The following G6PC1 variants were observed in gnomAD, a reference collection of about 807,000 sequenced individuals.
The protein encoded by G6PC1 is G-6-Pase.
A neutral mutation model predicts 30.4 loss-of-function variants in G6PC1; 23 were observed. The observed-to-expected ratio is 0.76, with a 90% CI of 0.55 to 1.07. The LOEUF (loss-of-function observed/expected upper bound fraction) is 1.07. Among genes scored for constraint, G6PC1 ranks in the 50% least tolerant of loss-of-function variants. The pLI is 0.00. For missense variants in G6PC1, 391 were observed against 433.9 expected (o/e 0.90, Z 0.88); for synonymous variants, 163 against 175.6 (o/e 0.93, Z 0.57).
In G6PC1 at chr17:42,908,388, G is replaced by T. The variant is rs182425447; in HGVS notation, c.446+760G>T. Among the ~76,000 whole-genome samples the T allele has an allele frequency of 3.2e-3, 485 of 149,884 alleles. 2 individuals are homozygous for T. Among genetic ancestry groups the T allele is most frequent in the Admixed American group, 8.2e-3 (123 of 14,930 alleles). Reference sequence around the variant, plus strand: ...GAAGTTAAAATTCATATACACAAGGGTTAACCACTTGCCACAGGCATTTTT... The same window carrying T: ...GAAGTTAAAATTCATATACACAAGGTTTAACCACTTGCCACAGGCATTTTT... On this transcript the variant is annotated intron_variant, in intron 3 of 4. Transcript: ENST00000253801.
chr17:42,908,772 C>T (rs1340474587), intron 3 of G6PC1, among the ~76,000 whole-genome samples: 8 of 148,160 alleles, frequency 5.4e-5, no homozygotes, highest in Admixed American at 1.4e-4. Flanking sequence ...GGCGCAGTCT[C>T]GGCTCACTGT....
rs369353156 is a variant in G6PC1, at chr17:42,901,587, G to A, written c.230+481G>A. Among the ~76,000 whole-genome samples the A allele has an allele frequency of 2.1e-3, 313 of 152,036 alleles. 1 individual carries two copies. The highest frequency in any genetic ancestry group is 7.3e-3 in the African/African-American group (302 of 41,464). On this transcript the variant is annotated intron_variant, in intron 1 of 4. Transcript: ENST00000253801. ...AAAACATTACGAAAATTAGCTGGGC[G>A]TGTTGGTGCTGTAGTCCCAGCTACT...
intron 3 of G6PC1, 82 bp from the exon 4 acceptor site, chr17:42,909,221 G>C (rs889507660): frequency 3.1e-5 from 33 of 1,050,124 alleles, no homozygotes; most frequent in Non-Finnish European, 4.8e-5. Flanking sequence ...AGTTTGCCAG[G>C]CTCCAACATT....
intron 4 of G6PC1, among the ~76,000 whole-genome samples, chr17:42,909,895 C>T (rs920679286): frequency 2.7e-5 from 4 of 150,198 alleles, no homozygotes; most frequent in African/African-American, 9.8e-5. Flanking sequence ...TGGAGTCTCG[C>T]TCTGTGACCC....
At chr17:42,902,211 C>T (rs773203012) in intron 1 of G6PC1, among the ~76,000 whole-genome samples, 103 of 152,254 alleles carry the variant, frequency 6.8e-4, no homozygotes, top group African/African-American at 2.2e-3. Flanking sequence ...ATTTCTATCA[C>T]GTAAACATTC....
rs1234207596 is a variant in G6PC1 at position 42,911,563 on chromosome 17, A to G, written c.*137A>G. 6 of 1,354,204 alleles carry G rather than the reference A, an allele frequency of 4.4e-6. No homozygotes were observed. Among genetic ancestry groups the G allele is most frequent in the Non-Finnish European group, 6.2e-6 (6 of 971,278 alleles). The allele number at this position is 1,354,204 out of a possible 1,614,324, so 83.9% of individuals were successfully genotyped here. A position where few individuals can be genotyped will look rare whatever the true frequency, so the allele number is the denominator to read the frequency against. ...CTGCCGTCGTGGAATTAAATCACGGATGGCAGATTGGAGGGTCGCCTGGCT... is the reference window on the plus strand; with the variant it reads ...CTGCCGTCGTGGAATTAAATCACGGGTGGCAGATTGGAGGGTCGCCTGGCT... On this transcript the variant is annotated 3_prime_UTR_variant, in exon 5 of 5. Transcript: ENST00000253801.
rs1394079873 is a variant in G6PC1, at chr17:42,909,369, C to G, written c.513C>G (p.Ile171Met). 1 of 1,614,128 alleles carries G rather than the reference C, an allele frequency of 6.2e-7. No homozygotes were observed. Among genetic ancestry groups the G allele is most frequent in the Non-Finnish European group, 8.5e-7 (1 of 1,180,022 alleles). The change falls in exon 4 of 5, where the codon ATC becomes ATG. Residue 171 changes from isoleucine (I) to methionine (M), a missense_variant. Coordinates refer to ENST00000253801, the MANE Select transcript of G6PC1 (RefSeq NM_000151.4). ...AVQLNVCLSR[I>M]YLAAHFPHQV... ...AGCTGAATGTCTGTCTGTCACGAAT[C>G]TACCTTGCTGCTCATTTTCCTCATC...
chr17:42,906,648 G>A (rs1020476410), intron 2 of G6PC1, among the ~76,000 whole-genome samples: 4 of 152,174 alleles, frequency 2.6e-5, no homozygotes, highest in Admixed American at 1.3e-4. Context: ...GAGGCCAAGG[G>A]TAGGAGGATT....
chr17:42,909,845 G>A (rs2151931920), intron 4 of G6PC1, among the ~76,000 whole-genome samples: 1 of 151,804 alleles, frequency 6.6e-6, no homozygotes, highest in South Asian at 2.1e-4. Context: ...TATAGGTTCA[G>A]AGTTTTGAAT....
At chr17:42,908,932 T>A (rs1477362465) in intron 3 of G6PC1, among the ~76,000 whole-genome samples, 2 of 151,394 alleles carry the variant, frequency 1.3e-5, no homozygotes, top group Non-Finnish European at 2.9e-5. Flanking sequence ...GGTCTCAAAC[T>A]CCTGACCTCA....
chr17:42,905,258 C>T (rs673895), intron 2 of G6PC1, among the ~76,000 whole-genome samples: 2 of 151,222 alleles, frequency 1.3e-5, no homozygotes, highest in African/African-American at 4.9e-5. Flanking sequence ...AACCCTGTCT[C>T]TACTAAAAAT....
At chr17:42,908,543 A>C (rs2056075932) in intron 3 of G6PC1, among the ~76,000 whole-genome samples, 1 of 150,572 alleles carries the variant, frequency 6.6e-6, no homozygotes, top group South Asian at 2.1e-4. Flanking sequence ...AGTAGCTGGG[A>C]CTACAGGCAC....
Position 42,911,477 on chromosome 17 carries a change from G to C in G6PC1, c.*51G>C. On this transcript the variant is annotated 3_prime_UTR_variant, in exon 5 of 5. Coordinates refer to ENST00000253801, the MANE Select transcript of G6PC1 (RefSeq NM_000151.4). ...AGTCAACAACCATGCCAGGGATTGAGGAGGACTACTATTTGAAGCAATGGG... is the reference window on the plus strand; with the variant it reads ...AGTCAACAACCATGCCAGGGATTGACGAGGACTACTATTTGAAGCAATGGG... 1 of 1,612,550 alleles carries C rather than the reference G, an allele frequency of 6.2e-7. No individual in the cohort carries two copies. The highest frequency in any genetic ancestry group is 1.1e-5 in the South Asian group (1 of 90,874).
chr17:42,907,513 T>C lies in G6PC1; in HGVS notation c.341-10T>C, dbSNP rs1168357973. The C allele has an allele frequency of 6.3e-7, 1 of 1,597,972 alleles. No homozygotes were observed. The highest frequency in any genetic ancestry group is 1.7e-5 in the Admixed American group (1 of 59,864). ...TTCACCTTTACTCCATTCTCTTTCC[T>C]GCCCTTTAGGGAGCCCCTCTGGCCA... is the stretch of plus-strand genomic sequence containing the variant. On this transcript the variant is annotated splice_polypyrimidine_tract_variant and intron_variant, in intron 2 of 4. Transcript: ENST00000253801.
At chr17:42,904,403 A>T (rs1426939711) in intron 2 of G6PC1, among the ~76,000 whole-genome samples, 1 of 152,160 alleles carries the variant, frequency 6.6e-6, no homozygotes, top group East Asian at 1.9e-4. Context: ...CTGACCGTCC[A>T]ATCCCTTGCC....
At chr17:42,902,528 C>A (rs961246731) in intron 1 of G6PC1, among the ~76,000 whole-genome samples, 1 of 152,020 alleles carries the variant, frequency 6.6e-6, no homozygotes, top group African/African-American at 2.4e-5. Flanking sequence ...GGATTACAGG[C>A]GTGAGCCACT....
chr17:42,907,650 G>T, intron 3 of G6PC1, 22 bp downstream of exon 3: 5 of 1,525,866 alleles, frequency 3.3e-6, no homozygotes, highest in Non-Finnish European at 4.5e-6. Context: ...CCACTGGGGT[G>T]TAGGTGGTGG....
Position 42,911,309 on chromosome 17 carries a change from G to A in G6PC1, c.957G>A (p.Glu319=), listed in dbSNP as rs111259657. 3.7e-6 allele frequency: 6 copies of A among 1,614,184 alleles called. No homozygotes were observed. Among genetic ancestry groups the A allele is most frequent in the African/African-American group, 1.3e-5 (1 of 75,042 alleles). Residue 319 remains glutamate (E), a synonymous_variant, in exon 5 of 5, where the codon GAG becomes GAA. Coordinates refer to ENST00000253801, the MANE Select transcript of G6PC1 (RefSeq NM_000151.4). ...FDSLKPPSQV[E]LVFYVLSFCK... ...CCTTGAAACCCCCATCCCAAGTCGA[G>A]CTGGTCTTCTACGTCTTGTCCTTCT...
At chr17:42,902,789 C>CT (rs2056034706) in intron 1 of G6PC1, among the ~76,000 whole-genome samples, 1 of 152,080 alleles carries the variant, frequency 6.6e-6, no homozygotes, top group East Asian at 1.9e-4. Flanking sequence ...CTGAGATACT[C>CT]TGTTTCAAAG....
Sources: allele counts gnomAD v4.1 joint callset (sites outside exome capture counted in the v4.1 genomes callset), GRCh38; gene constraint gnomAD v4.1.1; transcripts MANE v1.5; gene names NCBI Gene and HGNC (gene_info 2026-07-23, HGNC 2026-07-21).